PIP4P2: variants seen among roughly 807,000 people sequenced by gnomAD.
The protein encoded by PIP4P2 is phosphatidylinositol-4,5-bisphosphate 4-phosphatase 2.
A neutral mutation model predicts 33.3 loss-of-function variants in PIP4P2; 19 were observed. The ratio of observed to expected loss-of-function variants is 0.57; its 90% CI spans 0.40 to 0.84. The LOEUF (loss-of-function observed/expected upper bound fraction) is 0.84, where lower values mean the gene tolerates loss of function less well. Ranked by LOEUF, PIP4P2 falls within the 40% of genes least tolerant of loss-of-function variation. The pLI, the probability that PIP4P2 is intolerant of heterozygous loss-of-function variation, is 0.00. For missense variants in PIP4P2, 270 were observed against 324.7 expected (o/e 0.83, Z 1.29); for synonymous variants, 110 against 111.9 (o/e 0.98, Z 0.11).
chr8:91,011,056 A>C (rs745904929), intron 4 of PIP4P2, among the ~76,000 whole-genome samples: 34 of 136,198 alleles, frequency 2.5e-4, no homozygotes, highest in Non-Finnish European at 4.3e-4. Context: ...ATAGATAGAT[A>C]GATAGATAGA....
At chr8:91,008,152 C>G (rs113031181) in intron 5 of PIP4P2, among the ~76,000 whole-genome samples, 4 of 151,988 alleles carry the variant, frequency 2.6e-5, no homozygotes, top group Non-Finnish European at 4.4e-5. Flanking sequence ...ACCAAGGAAC[C>G]CTGGTGTAGT....
chr8:91,006,246 C>T (rs953205524), intron 5 of PIP4P2, among the ~76,000 whole-genome samples: 1 of 152,158 alleles, frequency 6.6e-6, no homozygotes, highest in Non-Finnish European at 1.5e-5. Flanking sequence ...ACAGTATTTG[C>T]ACTCAAATAA....
intron 1 of PIP4P2, among the ~76,000 whole-genome samples, chr8:91,037,197 G>A (rs2130385471): frequency 6.6e-6 from 1 of 152,300 alleles, no homozygotes; most frequent in South Asian, 2.1e-4. Flanking sequence ...GTTCTTTGAA[G>A]GGGAAAGAGA....
intron 3 of PIP4P2, among the ~76,000 whole-genome samples, chr8:91,019,403 A>T (rs1449390530): frequency 1.5e-5 from 2 of 135,262 alleles, no homozygotes; most frequent in Non-Finnish European, 3.3e-5. Context: ...TACAAAAAAA[A>T]AAAAAAAAAA....
chr8:91,018,309 C>G, intron 4 of PIP4P2, 81 bp downstream of exon 4: 1 of 1,578,422 alleles, frequency 6.3e-7, no homozygotes, highest in Non-Finnish European at 8.6e-7. Context: ...TTGGACAAAA[C>G]TATAAGACTA....
chr8:91,010,281 A>T (rs1300564078), intron 4 of PIP4P2, among the ~76,000 whole-genome samples: 1 of 151,904 alleles, frequency 6.6e-6, no homozygotes, highest in Non-Finnish European at 1.5e-5. Flanking sequence ...GTTATTTATA[A>T]ATAAAAAATT....
intron 5 of PIP4P2, among the ~76,000 whole-genome samples, chr8:91,007,504 A>C (rs902916711): frequency 6.6e-6 from 1 of 152,252 alleles, no homozygotes; most frequent in African/African-American, 2.4e-5. Flanking sequence ...TATTATTTCA[A>C]ACCTCTTATT....
rs575178759 is a variant in PIP4P2 at position 91,034,422 on chromosome 8, CCGATCTA to C, written c.106+6215_106+6221del. Among the ~76,000 whole-genome samples, 12 of 152,278 alleles carry C rather than the reference CCGATCTA, an allele frequency of 7.9e-5. No homozygotes were observed. The South Asian group carries it at 2.3e-3, about 29-fold the overall frequency. On this transcript the variant is annotated intron_variant, in intron 1 of 6. Coordinates refer to ENST00000285419, the MANE Select transcript of PIP4P2 (RefSeq NM_018710.3). The stretch of plus-strand genomic sequence containing the variant: ...CACCACCATACTGGAAAGCTAGAAG[CCGATCTA>C]TTTCACCAATGTGTGGGCTCTATTT...
intron 5 of PIP4P2, among the ~76,000 whole-genome samples, chr8:90,997,173 A>G (rs1422122260): frequency 6.6e-6 from 1 of 152,124 alleles, no homozygotes; most frequent in Non-Finnish European, 1.5e-5. Flanking sequence ...ATGAAGAAAA[A>G]GGAAAGAAAA....
At chr8:91,036,067 T>C (rs1345355570) in intron 1 of PIP4P2, among the ~76,000 whole-genome samples, 2 of 152,016 alleles carry the variant, frequency 1.3e-5, no homozygotes, top group Non-Finnish European at 2.9e-5. Flanking sequence ...AAGGCTTTAA[T>C]CACTACCTTA....
intron 1 of PIP4P2, among the ~76,000 whole-genome samples, chr8:91,037,843 C>T (rs913362974): frequency 2.2e-4 from 34 of 152,216 alleles, no homozygotes; most frequent in African/African-American, 8.2e-4. Flanking sequence ...TTGTTATATC[C>T]TAACTACAAA....
chr8:91,023,687 C>T (rs1189422126), intron 1 of PIP4P2, among the ~76,000 whole-genome samples: 1 of 151,944 alleles, frequency 6.6e-6, no homozygotes, highest in Non-Finnish European at 1.5e-5. Context: ...ATAAGAGAGA[C>T]CATAAGCTCC....
At chr8:91,033,019 A>C (rs1812191444) in intron 1 of PIP4P2, among the ~76,000 whole-genome samples, 1 of 152,180 alleles carries the variant, frequency 6.6e-6, no homozygotes, top group African/African-American at 2.4e-5. Context: ...AAATTTTAAC[A>C]GAATGCTCTA....
chr8:91,025,273 A>C (rs1038092358), intron 1 of PIP4P2, among the ~76,000 whole-genome samples: 2 of 152,186 alleles, frequency 1.3e-5, no homozygotes, highest in Non-Finnish European at 2.9e-5. Flanking sequence ...TAAAAGGGAG[A>C]GAATGATAGT....
rs1415558666 is a variant in PIP4P2 at position 91,029,632 on chromosome 8, A to C, written c.107-8228T>G. On this transcript the variant is annotated intron_variant, in intron 1 of 6. Transcript: ENST00000285419. Reference sequence around the variant, plus strand: ...GTTCATAGGCAAGGGACTATAGTAGAGCTCCCTGATGAGACAGGAATCCTG... The same window carrying C: ...GTTCATAGGCAAGGGACTATAGTAGCGCTCCCTGATGAGACAGGAATCCTG... Among the ~76,000 whole-genome samples the C allele has an allele frequency of 8.5e-5, 13 of 152,174 alleles. 1 individual carries two copies. The highest frequency in any genetic ancestry group is 8.5e-4 in the Admixed American group (13 of 15,278).
At chr8:90,997,112 G>A (rs1586172797) in intron 5 of PIP4P2, among the ~76,000 whole-genome samples, 1 of 151,942 alleles carries the variant, frequency 6.6e-6, no homozygotes, top group Non-Finnish European at 1.5e-5. Flanking sequence ...AGTTAAAAGA[G>A]TATGTGTTTA....
At chr8:91,031,014 G>A (rs960934272) in intron 1 of PIP4P2, among the ~76,000 whole-genome samples, 2 of 152,156 alleles carry the variant, frequency 1.3e-5, no homozygotes, top group Non-Finnish European at 2.9e-5. Context: ...TGGCAGAAAT[G>A]ACATTATATT....
Position 90,997,377 on chromosome 8 carries a change from T to C in PIP4P2, c.540-633A>G, listed in dbSNP as rs529562864. 1.3e-4 allele frequency among the ~76,000 whole-genome samples: 20 copies of C among 152,242 alleles called. No individual in the cohort carries two copies. The South Asian group carries it at 2.9e-3, about 22-fold the overall frequency. ...GTACATTAAAGTATCTTCATTATTA[T>C]ACATAATGCCAACAAAGTATCATTT... On this transcript the variant is annotated intron_variant, in intron 5 of 6. Coordinates refer to ENST00000285419, the MANE Select transcript of PIP4P2 (RefSeq NM_018710.3).
At position 90,994,411 on chromosome 8, in the gene PIP4P2, A is replaced by G. The variant is rs956128641; in HGVS notation, c.*1266T>C. On this transcript the variant is annotated 3_prime_UTR_variant, in exon 7 of 7. Coordinates refer to ENST00000285419, the MANE Select transcript of PIP4P2 (RefSeq NM_018710.3). ...CTGTGATGAGTACGTTTTTATACTA[A>G]TCAGTATCATAAATAATTTAAAATA... 2.6e-5 allele frequency: 4 copies of G among 152,160 alleles called. No individual in the cohort carries two copies. Among genetic ancestry groups the G allele is most frequent in the African/African-American group, 9.6e-5 (4 of 41,456 alleles). The allele number at this position is 152,160 out of a possible 1,614,324, so 9.4% of individuals were successfully genotyped here.
Sources: allele counts gnomAD v4.1 joint callset (sites outside exome capture counted in the v4.1 genomes callset), GRCh38; gene constraint gnomAD v4.1.1; transcripts MANE v1.5; gene names NCBI Gene and HGNC (gene_info 2026-07-23, HGNC 2026-07-21).